The following RYR2 variants were observed in gnomAD, a reference collection of about 807,000 sequenced individuals.
RYR2 encodes the protein cardiac muscle ryanodine receptor-calcium release channel.
RYR2 carries 227 observed loss-of-function variants against 601.1 expected under a neutral mutation model. The observed-to-expected ratio is 0.38, with a 90% CI of 0.34 to 0.42. RYR2 has a LOEUF of 0.42. Among genes scored for constraint, RYR2 ranks in the 10% least tolerant of loss-of-function variants. The probability of loss-of-function intolerance (pLI) is 1.00; values close to 1 mark genes in which losing one functional copy is unlikely to be tolerated. For missense variants in RYR2, 4,646 were observed against 6,156.5 expected (o/e 0.75, Z 8.21); for synonymous variants, 2,223 against 2,175.1 (o/e 1.02, Z -0.61).
chr1:237,696,263 A>G (rs913622384), intron 63 of RYR2, among the ~76,000 whole-genome samples: 4 of 152,124 alleles, frequency 2.6e-5, no homozygotes, highest in East Asian at 3.9e-4. Context: ...AAAATGAAGG[A>G]CCTGCCTCTC....
intron 27 of RYR2, among the ~76,000 whole-genome samples, chr1:237,555,594 C>T (rs186203927): frequency 8.3e-4 from 127 of 152,132 alleles, no homozygotes; most frequent in African/African-American, 2.6e-3. Flanking sequence ...TCCTTCCGCT[C>T]CCCCACTCTG....
intron 80 of RYR2, among the ~76,000 whole-genome samples, chr1:237,754,615 T>C (rs113726515): frequency 0.013 from 2,021 of 152,322 alleles, 47 homozygotes; most frequent in African/African-American, 0.046. Flanking sequence ...ATCATTTTCT[T>C]ACTGAAAAAC....
At chr1:237,343,012 C>G (rs1393320830) in intron 3 of RYR2, among the ~76,000 whole-genome samples, 1 of 152,094 alleles carries the variant, frequency 6.6e-6, no homozygotes, top group Non-Finnish European at 1.5e-5. Context: ...AGTTTGAGAC[C>G]AGCTTGGGCA....
intron 47 of RYR2, among the ~76,000 whole-genome samples, chr1:237,642,423 GACA>G (rs1480857172): frequency 6.6e-6 from 1 of 152,036 alleles, no homozygotes; most frequent in Non-Finnish European, 1.5e-5. Flanking sequence ...GGTGATTACT[GACA>G]ACAACAACAA....
chr1:237,769,126 TATTGA>T (rs910711446), intron 84 of RYR2, among the ~76,000 whole-genome samples: 4 of 152,186 alleles, frequency 2.6e-5, no homozygotes, highest in African/African-American at 4.8e-5. Context: ...GTACATGGTT[TATTGA>T]ATTGATTTGT....
At chr1:237,620,244 T>C (rs1251257590) in intron 38 of RYR2, among the ~76,000 whole-genome samples, 1 of 152,160 alleles carries the variant, frequency 6.6e-6, no homozygotes, top group African/African-American at 2.4e-5. Context: ...GGTGTTGACA[T>C]TGTACCATCT....
At chr1:237,187,438 G>A (rs10925339) in intron 1 of RYR2, among the ~76,000 whole-genome samples, 44,656 of 104,666 alleles carry the variant, frequency 0.43, 7,805 homozygotes, top group East Asian at 0.58. Context: ...AACACGCCCG[G>A]CCGACTTTTT....
chr1:237,796,899 C>T (rs1180213613), intron 96 of RYR2, among the ~76,000 whole-genome samples: 1 of 152,072 alleles, frequency 6.6e-6, no homozygotes, highest in Non-Finnish European at 1.5e-5. Context: ...ATTCTCCTAC[C>T]TCAGTCTCCC....
At chr1:237,546,884 C>T (rs1191798226) in intron 25 of RYR2, among the ~76,000 whole-genome samples, 1 of 150,320 alleles carries the variant, frequency 6.7e-6, no homozygotes, top group African/African-American at 2.4e-5. Context: ...GGACAAACTC[C>T]CTGCTTTCAA....
At chr1:237,376,909 G>A (rs530298174) in intron 7 of RYR2, among the ~76,000 whole-genome samples, 15 of 152,192 alleles carry the variant, frequency 9.9e-5, no homozygotes, top group Non-Finnish European at 1.5e-4. Context: ...TCAAAAAATT[G>A]TTACAATTGT....
intron 98 of RYR2, among the ~76,000 whole-genome samples, chr1:237,803,344 C>T (rs1242028885): frequency 6.7e-6 from 1 of 150,334 alleles, no homozygotes. Flanking sequence ...TGCACTGTCA[C>T]CCAGGCTGGA....
At chr1:237,674,637 A>G in intron 59 of RYR2, 94 bp from the exon 60 acceptor site, 2 of 612,198 alleles carry the variant, frequency 3.3e-6, no homozygotes, top group Non-Finnish European at 5.9e-6. Flanking sequence ...ACATATATGT[A>G]TGTATATACA....
chr1:237,586,927 C>T (rs1009891693), intron 29 of RYR2, among the ~76,000 whole-genome samples: 1 of 152,068 alleles, frequency 6.6e-6, no homozygotes, highest in Non-Finnish European at 1.5e-5. Flanking sequence ...CCATATTGGC[C>T]AGGCTGGTCT....
intron 24 of RYR2, among the ~76,000 whole-genome samples, chr1:237,528,101 A>G (rs1450753982): frequency 6.6e-6 from 1 of 152,206 alleles, no homozygotes; most frequent in South Asian, 2.1e-4. Context: ...GCACAAAATT[A>G]AAGATGCTGG....
chr1:237,686,371 C>T (rs186052828), intron 62 of RYR2, among the ~76,000 whole-genome samples: 1 of 152,044 alleles, frequency 6.6e-6, no homozygotes, highest in East Asian at 1.9e-4. Flanking sequence ...GCAAATGGCC[C>T]CTGAGAGCAT....
chr1:237,678,445 G>A (rs547976684), intron 61 of RYR2, among the ~76,000 whole-genome samples: 1 of 152,086 alleles, frequency 6.6e-6, no homozygotes, highest in Non-Finnish European at 1.5e-5. Flanking sequence ...AAAATTTCTA[G>A]TTGAGAATTT....
chr1:237,549,954 G>A (rs1251857152), intron 26 of RYR2, among the ~76,000 whole-genome samples: 1 of 152,152 alleles, frequency 6.6e-6, no homozygotes, highest in Non-Finnish European at 1.5e-5. Context: ...TTTAACCACA[G>A]TTTAACATTG....
At chr1:237,362,847 G>T (rs988600518) in intron 4 of RYR2, among the ~76,000 whole-genome samples, 1 of 152,052 alleles carries the variant, frequency 6.6e-6, no homozygotes, top group Admixed American at 6.6e-5. Context: ...TTCAGCATTT[G>T]CTATTTTTCA....
At chr1:237,690,622 G>A (rs958208952) in intron 63 of RYR2, among the ~76,000 whole-genome samples, 3 of 152,164 alleles carry the variant, frequency 2.0e-5, no homozygotes, top group Non-Finnish European at 4.4e-5. Context: ...AGCACTTTGG[G>A]AGGCCAAGGC....
Sources: gnomAD v4.1 joint callset for allele counts (sites outside exome capture counted in the v4.1 genomes callset) on GRCh38, gnomAD v4.1.1 for gene constraint, MANE v1.5 for transcripts, NCBI Gene and HGNC (gene_info 2026-07-23, HGNC 2026-07-21) for gene names.